GRM1: variants seen among roughly 807,000 people sequenced by gnomAD.
GRM1 encodes the protein glutamate metabotropic receptor 1, also known as metabotropic glutamate receptor 1.
GRM1 carries 33 observed loss-of-function variants against 90.9 expected under a neutral mutation model. That is an observed-to-expected ratio of 0.36 (90% CI 0.28 to 0.49). The LOEUF (loss-of-function observed/expected upper bound fraction) is 0.49. Ranked by LOEUF, GRM1 falls within the 20% of genes least tolerant of loss-of-function variation. The pLI is 0.99. For missense variants in GRM1, 1,190 were observed against 1,534.3 expected, an observed-to-expected ratio of 0.78 and a Z score of 3.75; for synonymous variants, 700 against 613.2, an observed-to-expected ratio of 1.14 and a Z score of -2.09.
At chr6:146,075,598 G>T (rs962084807) in intron 1 of GRM1, among the ~76,000 whole-genome samples, 1 of 152,078 alleles carries the variant, frequency 6.6e-6, no homozygotes, top group African/African-American at 2.4e-5. Flanking sequence ...GTTTCCTAGG[G>T]TTGCCATAAC....
At chr6:146,236,485 G>T (rs1260531006) in intron 2 of GRM1, among the ~76,000 whole-genome samples, 1 of 152,066 alleles carries the variant, frequency 6.6e-6, no homozygotes, top group Non-Finnish European at 1.5e-5. Flanking sequence ...CTCTGTGACT[G>T]GTGGTAGGCA....
chr6:146,177,146 G>C (rs1381204504), intron 2 of GRM1, among the ~76,000 whole-genome samples: 1 of 152,058 alleles, frequency 6.6e-6, no homozygotes, highest in Non-Finnish European at 1.5e-5. Flanking sequence ...CAGAGGACCA[G>C]GAAAGAAAGC....
At chr6:146,045,738 G>T in intron 1 of GRM1, among the ~76,000 whole-genome samples, 1 of 93,896 alleles carries the variant, frequency 1.1e-5, no homozygotes. Context: ...TCTCACCAAA[G>T]TGGAATACAG....
At chr6:146,363,488 T>C (rs973503783) in intron 5 of GRM1, among the ~76,000 whole-genome samples, 5 of 152,202 alleles carry the variant, frequency 3.3e-5, no homozygotes, top group African/African-American at 1.2e-4. Context: ...AAGCAATTAG[T>C]ACAACCCTAC....
intron 5 of GRM1, among the ~76,000 whole-genome samples, chr6:146,359,627 A>G (rs1027133468): frequency 6.6e-6 from 1 of 152,158 alleles, no homozygotes; most frequent in Non-Finnish European, 1.5e-5. Flanking sequence ...CTGCCAGGTG[A>G]CCATGAATGG....
At chr6:146,361,664 CA>C (rs926749934) in intron 5 of GRM1, among the ~76,000 whole-genome samples, 1 of 152,160 alleles carries the variant, frequency 6.6e-6, no homozygotes, top group African/African-American at 2.4e-5. Flanking sequence ...CAGGTATTAT[CA>C]TCCCCCCATT....
Position 146,118,560 on chromosome 6 carries a change from T to C in GRM1, c.701-40788T>C, listed in dbSNP as rs569677498. ...CCACCCATTAACTCGTCATTTACAT[T>C]AGGTATATCTCCTAATGCTATCCCT... On this transcript the variant is annotated intron_variant, in intron 1 of 7. Transcript: ENST00000282753. 2.6e-4 allele frequency among the ~76,000 whole-genome samples: 39 copies of C among 152,330 alleles called. No homozygotes were observed. The South Asian group carries it at 4.8e-3, about 19-fold the overall frequency.
intron 1 of GRM1, among the ~76,000 whole-genome samples, chr6:146,072,624 A>G (rs1776052134): frequency 6.6e-6 from 1 of 152,186 alleles, no homozygotes; most frequent in Non-Finnish European, 1.5e-5. Flanking sequence ...AATGGCATAT[A>G]TAGCTATTAG....
intron 2 of GRM1, among the ~76,000 whole-genome samples, chr6:146,281,618 T>C (rs993831587): frequency 1.4e-4 from 21 of 152,346 alleles, no homozygotes; most frequent in Non-Finnish European, 2.5e-4. Context: ...ATGTTCCTTG[T>C]GGTACATTAT....
At chr6:146,256,728 T>C (rs943966565) in intron 2 of GRM1, among the ~76,000 whole-genome samples, 1 of 152,156 alleles carries the variant, frequency 6.6e-6, no homozygotes. Flanking sequence ...CTGATATTTT[T>C]CCCCTACTCC....
chr6:146,352,203 G>A (rs756205660), intron 3 of GRM1, 47 bp from the exon 4 acceptor site: 4 of 1,601,658 alleles, frequency 2.5e-6, no homozygotes, highest in Non-Finnish European at 3.4e-6. Flanking sequence ...TGGGAGCCTA[G>A]TCTTTATCAT....
In GRM1 at chr6:146,407,684, G is replaced by A. The variant is rs3804302; in HGVS notation, c.2660+7985G>A. ...AAATAAAGAATCTGAGGCTTGGAAA[G>A]CTCAATGCCATTTTTATAAGAGGAG... On this transcript the variant is annotated intron_variant, in intron 7 of 7. Transcript: ENST00000282753. Among the ~76,000 whole-genome samples, 629 of 152,250 alleles carry A rather than the reference G, an allele frequency of 4.1e-3. 15 individuals are homozygous for A. The East Asian group carries it at 0.078, about 19-fold the overall frequency.
intron 3 of GRM1, among the ~76,000 whole-genome samples, chr6:146,351,700 C>T (rs1583369708): frequency 6.6e-6 from 1 of 151,910 alleles, no homozygotes; most frequent in Admixed American, 6.6e-5. Flanking sequence ...ATATTTCGGC[C>T]CCATCAACCG....
At chr6:146,183,907 T>C (rs1204549688) in intron 2 of GRM1, among the ~76,000 whole-genome samples, 1 of 152,152 alleles carries the variant, frequency 6.6e-6, no homozygotes, top group Non-Finnish European at 1.5e-5. Flanking sequence ...GGAACACAGC[T>C]GAAAACAGGA....
At position 146,187,489 on chromosome 6, in the gene GRM1, T is replaced by C. The variant is rs936258963; in HGVS notation, c.950+27892T>C. Among the ~76,000 whole-genome samples the C allele has an allele frequency of 7.2e-5, 11 of 152,206 alleles. No individual in the cohort carries two copies. The East Asian group carries it at 1.4e-3, about 19-fold the overall frequency. On this transcript the variant is annotated intron_variant, in intron 2 of 7. Transcript: ENST00000282753. ...CCTTACTTGTATGAGAGGTATGCAT[T>C]AAGGCACATTTATAAAGATGTCATT...
intron 1 of GRM1, among the ~76,000 whole-genome samples, chr6:146,058,104 C>T (rs1333114698): frequency 6.6e-6 from 1 of 152,074 alleles, no homozygotes. Context: ...AAATTGAGGA[C>T]TTCGGGTGAT....
intron 3 of GRM1, among the ~76,000 whole-genome samples, chr6:146,345,430 A>G (rs1313633277): frequency 6.6e-6 from 1 of 152,214 alleles, no homozygotes; most frequent in East Asian, 1.9e-4. Context: ...AAGACCTCAT[A>G]TTGGTTACCA....
At chr6:146,217,916 G>A (rs1448754449) in intron 2 of GRM1, among the ~76,000 whole-genome samples, 1 of 152,174 alleles carries the variant, frequency 6.6e-6, no homozygotes, top group Non-Finnish European at 1.5e-5. Context: ...TATTACAGTA[G>A]TAGCAAAATC....
Position 146,399,473 on chromosome 6 carries a change from A to T in GRM1, c.2434A>T (p.Ile812Phe). 6.2e-7 allele frequency: 1 copy of T among 1,614,158 alleles called. No individual in the cohort carries two copies. Among genetic ancestry groups the T allele is most frequent in the Non-Finnish European group, 8.5e-7 (1 of 1,180,008 alleles). Reference sequence around the variant, plus strand: ...CATTTACTTTGGGAGCAACTACAAGATCATCACAACTTGCTTTGCAGTGAG... The same window carrying T: ...CATTTACTTTGGGAGCAACTACAAGTTCATCACAACTTGCTTTGCAGTGAG... ...VPIYFGSNYK[I>F]ITTCFAVSLS... is the part of the protein sequence containing the mutation. The change falls in exon 7 of 8, where the codon ATC becomes TTC. Residue 812 changes from isoleucine (I) to phenylalanine (F), a missense_variant. Around this residue, in one of 10 missense-constraint regions of GRM1, gnomAD observed 73 missense variants for 150.6 expected, o/e 0.48. Coordinates refer to ENST00000282753, the MANE Select transcript of GRM1 (RefSeq NM_001278064.2). This position sits in a 1 kb window ranked among gnomAD's most constrained non-coding sequence, Gnocchi z 5.4.
Sources: allele counts gnomAD v4.1 joint callset (sites outside exome capture counted in the v4.1 genomes callset), GRCh38; gene constraint gnomAD v4.1.1; regional missense constraint gnomAD v4.1.1; non-coding constraint Gnocchi (gnomAD v3.1); transcripts MANE v1.5; gene names NCBI Gene and HGNC (gene_info 2026-07-23, HGNC 2026-07-21).